DOP1B: variants seen among roughly 807,000 people sequenced by gnomAD.
The protein encoded by DOP1B is DOP1 leucine zipper like protein B, also known as protein DOP1B.
In DOP1B, 174 loss-of-function variants were observed where a neutral mutation model predicts 233.5. The observed-to-expected ratio is 0.75, with a 90% CI of 0.66 to 0.85. The LOEUF (loss-of-function observed/expected upper bound fraction) is 0.85. DOP1B is among the 40% of genes least tolerant of loss of function. DOP1B has a pLI of 0.00. For synonymous variants in DOP1B, 1,190 were observed against 1,185.6 expected, an observed-to-expected ratio of 1.00 and a Z score of -0.08; for missense variants, 2,652 against 2,846.6, an observed-to-expected ratio of 0.93 and a Z score of 1.56.
chr21:36,199,743 A>G (rs2066339238), intron 3 of DOP1B, among the ~76,000 whole-genome samples: 1 of 152,192 alleles, frequency 6.6e-6, no homozygotes, highest in African/African-American at 2.4e-5. Context: ...AGCTTCATCC[A>G]TGTCCCTACA....
chr21:36,215,397 G>A (rs2066547041), intron 9 of DOP1B, among the ~76,000 whole-genome samples: 1 of 151,796 alleles, frequency 6.6e-6, no homozygotes, highest in African/African-American at 2.4e-5. Flanking sequence ...ATTTATGAAT[G>A]AATGAATGAA....
chr21:36,292,335 C>A, intron 36 of DOP1B, 102 bp downstream of exon 36: 1 of 866,024 alleles, frequency 1.2e-6, no homozygotes, highest in Non-Finnish European at 1.7e-6. Context: ...TCGCTTACTG[C>A]AGCCTCCACC....
intron 5 of DOP1B, among the ~76,000 whole-genome samples, chr21:36,210,411 G>T (rs548142668): frequency 2.0e-5 from 3 of 152,222 alleles, no homozygotes; most frequent in African/African-American, 7.2e-5. Flanking sequence ...TTGGGAGGCC[G>T]AGGCGGGTGG....
intron 2 of DOP1B, among the ~76,000 whole-genome samples, chr21:36,189,054 A>G (rs1032117445): frequency 1.3e-5 from 2 of 152,066 alleles, no homozygotes; most frequent in Admixed American, 6.6e-5. Flanking sequence ...GCCTTTTGGA[A>G]TTTTTCATCG....
chr21:36,270,564 A>AG (rs1409918596), intron 27 of DOP1B, among the ~76,000 whole-genome samples: 2 of 149,218 alleles, frequency 1.3e-5, no homozygotes, highest in Non-Finnish European at 3.0e-5. Context: ...AAAAAAAAAA[A>AG]AAAAAAAAAA....
chr21:36,229,164 C>T (rs1451790468), intron 13 of DOP1B, among the ~76,000 whole-genome samples: 3 of 151,970 alleles, frequency 2.0e-5, no homozygotes, highest in African/African-American at 4.8e-5. Flanking sequence ...CGAATATAAG[C>T]GAGATGAGGT....
At chr21:36,227,440 G>A (rs573321537) in intron 12 of DOP1B, among the ~76,000 whole-genome samples, 18 of 144,852 alleles carry the variant, frequency 1.2e-4, no homozygotes, top group African/African-American at 3.1e-4. Flanking sequence ...CCAGCTGCTC[G>A]GGAGGCTGAG....
chr21:36,186,996 C>T (rs1358070577), intron 2 of DOP1B, among the ~76,000 whole-genome samples: 9 of 152,102 alleles, frequency 5.9e-5, no homozygotes, highest in Admixed American at 5.2e-4. Context: ...GCCAGCAAAA[C>T]ATTCCCTCCA....
chr21:36,274,247 A>G (rs912735416), intron 27 of DOP1B, among the ~76,000 whole-genome samples: 1 of 152,156 alleles, frequency 6.6e-6, no homozygotes, highest in Non-Finnish European at 1.5e-5. Flanking sequence ...TCCAGGTAAA[A>G]GGATTTTGCG....
chr21:36,244,019 C>CTTTTTTTTTTTT (rs35020490), intron 18 of DOP1B, among the ~76,000 whole-genome samples: 1 of 70,580 alleles, frequency 1.4e-5, no homozygotes, highest in African/African-American at 6.1e-5. Context: ...TTTTCCTTTC[C>CTTTTTTTTTTTT]TTTTTTTTTT....
chr21:36,255,448 A>T (rs982391622), intron 23 of DOP1B, among the ~76,000 whole-genome samples: 3 of 144,954 alleles, frequency 2.1e-5, no homozygotes, highest in Admixed American at 1.4e-4. Context: ...AATTTTTTTT[A>T]AAACTTTTTT....
chr21:36,280,117 C>T (rs1344428967), intron 30 of DOP1B, among the ~76,000 whole-genome samples, 168 bp from the exon 31 acceptor site: 2 of 152,198 alleles, frequency 1.3e-5, no homozygotes, highest in African/African-American at 4.8e-5. Flanking sequence ...TCAGGTGATC[C>T]GCCCACCTCG....
chr21:36,239,719 A>G (rs1198801201), intron 17 of DOP1B, 46 bp from the exon 18 acceptor site: 1 of 1,488,890 alleles, frequency 6.7e-7, no homozygotes, highest in South Asian at 1.3e-5. Flanking sequence ...TGCCTGGCGC[A>G]CAGGGGTGGC....
chr21:36,224,947 T>TG (rs1205838869), intron 11 of DOP1B, among the ~76,000 whole-genome samples: 1 of 152,070 alleles, frequency 6.6e-6, no homozygotes, highest in South Asian at 2.1e-4. Context: ...CTCGTTCCCT[T>TG]GGATCGTGCT....
At chr21:36,252,841 G>T (rs1601451698) in intron 22 of DOP1B, among the ~76,000 whole-genome samples, 2 of 152,152 alleles carry the variant, frequency 1.3e-5, no homozygotes, top group South Asian at 4.1e-4. Context: ...TTATCCACTT[G>T]ACTGGTCCAT....
At chr21:36,257,959 G>A (rs2067126152) in intron 23 of DOP1B, among the ~76,000 whole-genome samples, 1 of 98,764 alleles carries the variant, frequency 1.0e-5, no homozygotes, top group African/African-American at 4.9e-5. Context: ...GTAGGTAGAT[G>A]TAGGTAGGTA....
chr21:36,188,071 A>C (rs1249149764), intron 2 of DOP1B, among the ~76,000 whole-genome samples: 1 of 152,220 alleles, frequency 6.6e-6, no homozygotes, highest in South Asian at 2.1e-4. Flanking sequence ...AGTTAGCCTG[A>C]GTGACCCATT....
At chr21:36,233,869 G>T (rs1313909713) in intron 15 of DOP1B, among the ~76,000 whole-genome samples, 2 of 151,946 alleles carry the variant, frequency 1.3e-5, no homozygotes, top group Non-Finnish European at 2.9e-5. Flanking sequence ...TGTTGTTGTT[G>T]TTGAGACGGA....
chr21:36,201,369 A>C (rs1283996830), intron 4 of DOP1B, among the ~76,000 whole-genome samples: 2 of 21,096 alleles, frequency 9.5e-5, no homozygotes. Flanking sequence ...TTTTTTTGAG[A>C]CAGAGTCTTG....
Sources: gnomAD v4.1 joint callset for allele counts (sites outside exome capture counted in the v4.1 genomes callset) on GRCh38, gnomAD v4.1.1 for gene constraint, MANE v1.5 for transcripts, NCBI Gene and HGNC (gene_info 2026-07-23, HGNC 2026-07-21) for gene names.